IMMP2L: variants seen among roughly 807,000 people sequenced by gnomAD.
IMMP2L encodes the protein mitochondrial inner membrane protease subunit 2.
A neutral mutation model predicts 19.3 loss-of-function variants in IMMP2L; 18 were observed. The ratio of observed to expected loss-of-function variants is 0.93; its 90% confidence interval spans 0.64 to 1.38. IMMP2L has a LOEUF of 1.38. Among genes scored for constraint, IMMP2L ranks in the 40% most tolerant of loss-of-function variants. IMMP2L has a pLI of 0.00. For missense variants in IMMP2L, 233 were observed against 218.2 expected (o/e 1.07, Z -0.43); for synonymous variants, 76 against 73.0 (o/e 1.04, Z -0.21).
intron 3 of IMMP2L, among the ~76,000 whole-genome samples, chr7:111,200,879 G>C (rs1303532724): frequency 6.6e-6 from 1 of 152,110 alleles, no homozygotes; most frequent in East Asian, 1.9e-4. Flanking sequence ...ATAGTATTTA[G>C]TACTCCTGCA....
rs55867543 is a variant in IMMP2L, at chr7:111,075,116, C to CT, written c.240-111552dup. ...ATATTTTAAATAGCTTGTTTTCAGA[C>CT]TTTTTTTTTTTTTTTTTTTTTTTTT... is the stretch of plus-strand genomic sequence containing the variant. On this transcript the variant is annotated intron_variant, in intron 3 of 5. Coordinates refer to ENST00000405709, the MANE Select transcript of IMMP2L (RefSeq NM_032549.4). Among the ~76,000 whole-genome samples, 437 of 75,258 alleles carry CT rather than the reference C, an allele frequency of 5.8e-3. 41 individuals are homozygous for CT. The highest frequency in any genetic ancestry group is 0.02 in the African/African-American group (397 of 19,858). 49.4% of individuals were successfully genotyped at this position (75,258 alleles called of 152,430 possible). A position where few individuals can be genotyped will look rare whatever the true frequency, so the allele number is the denominator to read the frequency against.
At chr7:110,687,821 T>C (rs1416408436) in intron 5 of IMMP2L, among the ~76,000 whole-genome samples, 1 of 151,994 alleles carries the variant, frequency 6.6e-6, no homozygotes. Flanking sequence ...TGTGATGTAA[T>C]CTTTCCACCC....
chr7:111,488,743 C>A (rs1008520005), intron 2 of IMMP2L, among the ~76,000 whole-genome samples: 1 of 152,060 alleles, frequency 6.6e-6, no homozygotes, highest in African/African-American at 2.4e-5. Flanking sequence ...CTGGATCAAA[C>A]GGTTGATCGA....
intron 5 of IMMP2L, among the ~76,000 whole-genome samples, chr7:110,831,087 G>A (rs1253449387): frequency 6.6e-6 from 1 of 152,120 alleles, no homozygotes; most frequent in African/African-American, 2.4e-5. Context: ...CCACGTAGCT[G>A]AAGGAGTGAG....
At chr7:111,129,593 A>T (rs1205348635) in intron 3 of IMMP2L, among the ~76,000 whole-genome samples, 1 of 152,130 alleles carries the variant, frequency 6.6e-6, no homozygotes, top group African/African-American at 2.4e-5. Context: ...ATTGCTAACT[A>T]GGTCGTTGCT....
intron 3 of IMMP2L, among the ~76,000 whole-genome samples, chr7:111,178,057 T>C (rs1170276502): frequency 6.6e-6 from 1 of 152,070 alleles, no homozygotes; most frequent in Non-Finnish European, 1.5e-5. Context: ...GACATATACA[T>C]ACTTTTAAGA....
At chr7:110,695,325 G>A (rs1793805500) in intron 5 of IMMP2L, among the ~76,000 whole-genome samples, 1 of 151,918 alleles carries the variant, frequency 6.6e-6, no homozygotes, top group African/African-American at 2.4e-5. Flanking sequence ...CCAAGTGGCT[G>A]GGATCATATG....
chr7:111,112,774 G>A (rs112651936), intron 3 of IMMP2L, among the ~76,000 whole-genome samples: 2,766 of 152,170 alleles, frequency 0.018, 43 homozygotes, highest in Middle Eastern at 0.037. Context: ...AGCCCACATC[G>A]CTATTATCGT....
intron 3 of IMMP2L, among the ~76,000 whole-genome samples, chr7:111,234,027 T>C (rs1456712951): frequency 6.6e-6 from 1 of 152,126 alleles, no homozygotes; most frequent in African/African-American, 2.4e-5. Context: ...CTTTAAGTAA[T>C]GTAGTTGGAT....
At chr7:110,777,012 T>C (rs1375933517) in intron 5 of IMMP2L, among the ~76,000 whole-genome samples, 1 of 151,872 alleles carries the variant, frequency 6.6e-6, no homozygotes, top group Non-Finnish European at 1.5e-5. Context: ...TAAGACAGGG[T>C]TTGTTAATAT....
chr7:110,853,258 G>A (rs370395527), intron 5 of IMMP2L, among the ~76,000 whole-genome samples: 1 of 151,780 alleles, frequency 6.6e-6, no homozygotes, highest in African/African-American at 2.4e-5. Context: ...CTTGAAATTT[G>A]TACTTTATAC....
intron 2 of IMMP2L, among the ~76,000 whole-genome samples, chr7:111,512,783 C>T (rs994520201): frequency 6.6e-6 from 1 of 151,846 alleles, no homozygotes; most frequent in Non-Finnish European, 1.5e-5. Context: ...AATAGAGAAT[C>T]CAGAAATAAA....
Position 111,463,852 on chromosome 7 carries a change from G to T in IMMP2L, c.239+23386C>A, listed in dbSNP as rs536954518. ...CACCAAGGCCCTATCTGGTACACAG[G>T]GATAAGTCAATTCTTTAGAGTATTT... On this transcript the variant is annotated intron_variant, in intron 3 of 5. Coordinates refer to ENST00000405709, the MANE Select transcript of IMMP2L (RefSeq NM_032549.4). 8.5e-5 allele frequency among the ~76,000 whole-genome samples: 13 copies of T among 152,122 alleles called. No homozygotes were observed. In the South Asian group the frequency reaches 2.7e-3, roughly 32 times the overall value.
chr7:111,032,517 C>T (rs947835961), intron 3 of IMMP2L, among the ~76,000 whole-genome samples: 1 of 151,902 alleles, frequency 6.6e-6, no homozygotes, highest in African/African-American at 2.4e-5. Flanking sequence ...GGAAACAATC[C>T]AGTTAAAAAA....
Position 111,442,130 on chromosome 7 carries a change from C to T in IMMP2L, c.239+45108G>A, listed in dbSNP as rs576840636. On this transcript the variant is annotated intron_variant, in intron 3 of 5. Transcript: ENST00000405709. ...TCCAGCCTGCTGACAGAGCGAGACT[C>T]CATCTCAAAAAAAAAAGCTCTGCAG... 3.3e-5 allele frequency among the ~76,000 whole-genome samples: 5 copies of T among 151,312 alleles called. No homozygotes were observed. In the East Asian group the frequency reaches 9.7e-4, roughly 29 times the overall value.
intron 3 of IMMP2L, among the ~76,000 whole-genome samples, chr7:111,464,661 T>A (rs563768708): frequency 1.3e-5 from 2 of 152,326 alleles, no homozygotes; most frequent in Non-Finnish European, 2.9e-5. Context: ...TGATTAATTT[T>A]TCCTCTGATG....
intron 3 of IMMP2L, among the ~76,000 whole-genome samples, chr7:111,188,296 T>C (rs1808490782): frequency 1.3e-5 from 2 of 152,176 alleles, no homozygotes; most frequent in Non-Finnish European, 2.9e-5. Flanking sequence ...GGGTGGCTTA[T>C]GAACAACAGG....
At chr7:110,925,023 G>A (rs899819246) in intron 4 of IMMP2L, among the ~76,000 whole-genome samples, 1 of 152,168 alleles carries the variant, frequency 6.6e-6, no homozygotes, top group African/African-American at 2.4e-5. Context: ...GAAGAAAGAT[G>A]TTCTTTTGAA....
intron 4 of IMMP2L, among the ~76,000 whole-genome samples, chr7:110,938,119 A>G (rs1051940682): frequency 2.6e-5 from 4 of 151,882 alleles, no homozygotes; most frequent in African/African-American, 4.8e-5. Flanking sequence ...CAAACTCCCA[A>G]TTTTCGTGTT....
Sources: allele counts gnomAD v4.1 joint callset (sites outside exome capture counted in the v4.1 genomes callset), GRCh38; gene constraint gnomAD v4.1.1; transcripts MANE v1.5; gene names NCBI Gene and HGNC (gene_info 2026-07-23, HGNC 2026-07-21).